The following GPR39 variants were observed in gnomAD, a reference collection of about 807,000 sequenced individuals.
The protein encoded by GPR39 is G protein-coupled receptor 39.
Under a neutral mutation model 18.4 loss-of-function variants are expected in GPR39, and 23 were observed. The ratio of observed to expected loss-of-function variants is 1.25; its 90% CI spans 0.90 to 1.77. GPR39 has a LOEUF of 1.77. Ranked by LOEUF, GPR39 falls within the 40% of genes most tolerant of loss-of-function variation. The pLI is 0.00. For synonymous variants in GPR39, 280 were observed against 257.9 expected (o/e 1.09, Z -0.82); for missense variants, 647 against 602.4 (o/e 1.07, Z -0.78).
In GPR39 at chr2:132,417,420, G is replaced by C. The variant is rs1486052729; in HGVS notation, c.378G>C (p.Val126=). 6.2e-7 allele frequency: 1 copy of C among 1,614,196 alleles called. No homozygotes were observed. Among genetic ancestry groups the C allele is most frequent in the East Asian group, 2.2e-5 (1 of 44,870 alleles). The change falls in exon 1 of 2, where the codon GTG becomes GTC. Residue 126 remains valine, a synonymous_variant. Transcript: ENST00000329321. ...EACSYATLLH[V]LTLSFERYIA... ...GCAGCTACGCTACGCTGCTGCACGT[G>C]CTGACACTCAGCTTTGAGCGCTACA...
chr2:132,452,588 A>G (rs1228120283), intron 1 of GPR39, among the ~76,000 whole-genome samples: 1 of 151,940 alleles, frequency 6.6e-6, no homozygotes, highest in East Asian at 1.9e-4. Flanking sequence ...TCAACTCATC[A>G]TTTACATTAG....
chr2:132,422,576 T>C (rs899222974), intron 1 of GPR39, among the ~76,000 whole-genome samples: 7 of 152,034 alleles, frequency 4.6e-5, no homozygotes, highest in Admixed American at 2.6e-4. Context: ...TGAAAGGATA[T>C]GTCAACACAG....
At chr2:132,544,609 G>T (rs1468929046) in intron 1 of GPR39, among the ~76,000 whole-genome samples, 2 of 152,238 alleles carry the variant, frequency 1.3e-5, no homozygotes, top group Admixed American at 6.5e-5. Context: ...TGCCTGGCTT[G>T]CACACCAGCC....
chr2:132,527,021 T>A (rs1679526798), intron 1 of GPR39, among the ~76,000 whole-genome samples: 1 of 152,180 alleles, frequency 6.6e-6, no homozygotes, highest in Non-Finnish European at 1.5e-5. Context: ...GCCATGGTGG[T>A]TTGCTGCATC....
intron 1 of GPR39, among the ~76,000 whole-genome samples, chr2:132,509,461 C>CACTCACTT (rs10640808): frequency 1.3e-5 from 2 of 151,838 alleles, no homozygotes; most frequent in African/African-American, 4.8e-5. Flanking sequence ...GACACTCACT[C>CACTCACTT]GCACATGTCC....
rs1345282812 is a variant in GPR39 at position 132,454,603 on chromosome 2, A to T, written c.856+36705A>T. ...TTCCAGTTTTTACCCATTCAGTATG[A>T]TATTGGTTGTGGGTTTGTCATAAAT... On this transcript the variant is annotated intron_variant, in intron 1 of 1. Coordinates refer to ENST00000329321, the MANE Select transcript of GPR39 (RefSeq NM_001508.3). 4.6e-5 allele frequency among the ~76,000 whole-genome samples: 7 copies of T among 152,244 alleles called. No homozygotes were observed. In the East Asian group the frequency reaches 9.6e-4, roughly 21 times the overall value.
chr2:132,530,228 T>A (rs982689286), intron 1 of GPR39, among the ~76,000 whole-genome samples: 2 of 152,028 alleles, frequency 1.3e-5, no homozygotes, highest in African/African-American at 4.8e-5. Flanking sequence ...CAGTAGCTGA[T>A]GAGATCAACT....
chr2:132,449,251 G>A (rs1263711300), intron 1 of GPR39, among the ~76,000 whole-genome samples: 1 of 126,524 alleles, frequency 7.9e-6, no homozygotes, highest in Non-Finnish European at 1.7e-5. Flanking sequence ...TTGTTTGTTT[G>A]TTTTGTTTTG....
intron 1 of GPR39, among the ~76,000 whole-genome samples, chr2:132,531,146 G>C (rs1005059622): frequency 6.6e-6 from 1 of 152,092 alleles, no homozygotes; most frequent in African/African-American, 2.4e-5. Flanking sequence ...TCAAAATAAA[G>C]GGATGGAGGA....
chr2:132,545,315 A>C, intron 1 of GPR39, among the ~76,000 whole-genome samples: 1 of 152,220 alleles, frequency 6.6e-6, no homozygotes, highest in Non-Finnish European at 1.5e-5. Context: ...GAAATTAGCC[A>C]GGCAGTCCAT....
At chr2:132,448,825 G>A (rs931248073) in intron 1 of GPR39, among the ~76,000 whole-genome samples, 2 of 151,968 alleles carry the variant, frequency 1.3e-5, no homozygotes, top group African/African-American at 4.8e-5. Context: ...TTAATCATGC[G>A]GCAAAATCTC....
At chr2:132,458,984 A>T (rs1453810561) in intron 1 of GPR39, among the ~76,000 whole-genome samples, 1 of 152,114 alleles carries the variant, frequency 6.6e-6, no homozygotes, top group Non-Finnish European at 1.5e-5. Flanking sequence ...TTCCAAAGAG[A>T]CATTGTTGAC....
chr2:132,464,807 C>T (rs1411615235), intron 1 of GPR39, among the ~76,000 whole-genome samples: 4 of 152,182 alleles, frequency 2.6e-5, no homozygotes, highest in African/African-American at 9.7e-5. Flanking sequence ...TTCTAGCAAA[C>T]CTCCAAATGT....
intron 1 of GPR39, among the ~76,000 whole-genome samples, chr2:132,551,747 G>A (rs952468598): frequency 2.6e-5 from 4 of 151,720 alleles, no homozygotes; most frequent in African/African-American, 7.3e-5. Context: ...AATGTAGATC[G>A]AGAGGATAAA....
chr2:132,435,990 G>A (rs1250941107), intron 1 of GPR39, among the ~76,000 whole-genome samples: 1 of 152,184 alleles, frequency 6.6e-6, no homozygotes, highest in Non-Finnish European at 1.5e-5. Flanking sequence ...GCCCAGGAAG[G>A]GCAATTCCTG....
chr2:132,427,288 C>T (rs115067732), intron 1 of GPR39, among the ~76,000 whole-genome samples: 15,761 of 147,868 alleles, frequency 0.11, 860 homozygotes, highest in South Asian at 0.21. Flanking sequence ...CCTCAGCCCC[C>T]GAGTGGCTGA....
At position 132,646,186 on chromosome 2, in the gene GPR39, T is replaced by C; in HGVS notation, c.*580T>C. The C allele has an allele frequency of 2.5e-6, 4 of 1,609,794 alleles. 1 individual carries two copies. The highest frequency in any genetic ancestry group is 3.4e-6 in the Non-Finnish European group (4 of 1,177,676). On this transcript the variant is annotated 3_prime_UTR_variant, in exon 2 of 2. Coordinates refer to ENST00000329321, the MANE Select transcript of GPR39 (RefSeq NM_001508.3). Reference sequence around the variant, plus strand: ...GGGTGTTGCAGCAGCTGATGCAAACTGAGTTCAGTTTCCCTGGGGAGCAGA... The same window carrying C: ...GGGTGTTGCAGCAGCTGATGCAAACCGAGTTCAGTTTCCCTGGGGAGCAGA...
At chr2:132,537,878 G>A (rs1205523756) in intron 1 of GPR39, among the ~76,000 whole-genome samples, 1 of 151,814 alleles carries the variant, frequency 6.6e-6, no homozygotes, top group African/African-American at 2.4e-5. Flanking sequence ...TTCTGGTGGT[G>A]TGTTTTTCAG....
chr2:132,598,071 G>T (rs1680977725), intron 1 of GPR39, among the ~76,000 whole-genome samples: 1 of 152,210 alleles, frequency 6.6e-6, no homozygotes, highest in African/African-American at 2.4e-5. Flanking sequence ...CACAGAAAAT[G>T]CAGGGCTGGC....
Sources: allele counts gnomAD v4.1 joint callset (sites outside exome capture counted in the v4.1 genomes callset), GRCh38; gene constraint gnomAD v4.1.1; transcripts MANE v1.5; gene names NCBI Gene and HGNC (gene_info 2026-07-23, HGNC 2026-07-21).